The following UGT1A5 variants were observed in gnomAD, a reference collection of about 807,000 sequenced individuals.
UGT1A5 encodes the protein UDP-glucuronosyltransferase 1A5.
UGT1A5 carries 29 observed loss-of-function variants against 40.3 expected under a neutral mutation model. The ratio of observed to expected loss-of-function variants is 0.72; its 90% CI spans 0.54 to 0.98. The LOEUF (loss-of-function observed/expected upper bound fraction) is 0.98, where lower values mean the gene tolerates loss of function less well. UGT1A5 is among the 50% of genes least tolerant of loss of function. UGT1A5 has a pLI of 0.00. For synonymous variants in UGT1A5, 257 were observed against 262.5 expected (o/e 0.98, Z 0.20); for missense variants, 678 against 677.9 (o/e 1.00, Z 0.00).
chr2:233,721,810 C>A (rs559553943), intron 1 of UGT1A5: 84 of 514,692 alleles, frequency 1.6e-4, no homozygotes, highest in Non-Finnish European at 3.0e-4. Flanking sequence ...CAGCAAAAAT[C>A]CAGCACCCTA....
At chr2:233,729,100 A>G (rs2077792052) in intron 1 of UGT1A5, 1 of 1,612,718 alleles carries the variant, frequency 6.2e-7, no homozygotes, top group Non-Finnish European at 8.5e-7. Context: ...TGGGGTGGAC[A>G]GTCAGCTGTC....
At position 233,729,327 on chromosome 2, in the gene UGT1A5, G is replaced by A. The variant is rs199842881; in HGVS notation, c.867+15469G>A. On this transcript the variant is annotated intron_variant, in intron 1 of 4. Coordinates refer to ENST00000373414, the MANE Select transcript of UGT1A5 (RefSeq NM_019078.2). ...TGGTCCTCACCCCAGAGGTGAATATGCACATCAAAGAAGAGAACTTTTTCA... is the reference window on the plus strand; with the variant it reads ...TGGTCCTCACCCCAGAGGTGAATATACACATCAAAGAAGAGAACTTTTTCA... 117 of 1,614,124 alleles carry A rather than the reference G, an allele frequency of 7.2e-5. No individual in the cohort carries two copies. The highest frequency in any genetic ancestry group is 9.6e-5 in the Non-Finnish European group (113 of 1,180,042).
chr2:233,718,994 G>A lies in UGT1A5; in HGVS notation c.867+5136G>A, dbSNP rs749212538. ...AGCTCCATGCCAGAGGCCACCAGGC[G>A]GTGGTCCTCACCCCAGAGGTGAATA... On this transcript the variant is annotated intron_variant, in intron 1 of 4. Coordinates refer to ENST00000373414, the MANE Select transcript of UGT1A5 (RefSeq NM_019078.2). 2.7e-4 allele frequency: 436 copies of A among 1,613,960 alleles called. 1 individual carries two copies. The highest frequency in any genetic ancestry group is 1.8e-3 in the Admixed American group (110 of 60,006).
chr2:233,724,319 G>A (rs1167591289), intron 1 of UGT1A5, among the ~76,000 whole-genome samples: 25 of 143,274 alleles, frequency 1.7e-4, no homozygotes, highest in African/African-American at 3.9e-4. Context: ...CGGACGGGGC[G>A]GCTGGCCAGG....
intron 1 of UGT1A5, among the ~76,000 whole-genome samples, chr2:233,748,621 T>C (rs1261589705): frequency 1.3e-5 from 2 of 151,698 alleles, no homozygotes; most frequent in African/African-American, 4.9e-5. Context: ...ACGTGGGATA[T>C]ATGTCTGTGA....
chr2:233,763,825 C>A (rs564952155), intron 1 of UGT1A5, among the ~76,000 whole-genome samples: 1 of 152,266 alleles, frequency 6.6e-6, no homozygotes, highest in South Asian at 2.1e-4. Context: ...GATGTTCCTC[C>A]CCTGCCAGGG....
intron 1 of UGT1A5, chr2:233,718,733 C>T: frequency 6.2e-6 from 10 of 1,611,470 alleles, no homozygotes; most frequent in Non-Finnish European, 8.5e-6. Flanking sequence ...TGCTAGGTGG[C>T]TCAATGACAA....
chr2:233,713,122 T>A lies in UGT1A5; in HGVS notation c.131T>A (p.Met44Lys), dbSNP rs2076280431. Residue 44 changes from methionine (M) to lysine (K), a missense_variant, in exon 1 of 5, where the codon ATG (methionine) becomes AAG (lysine). Physicochemically the swap from Met to Lys is moderately conservative, Grantham distance 95. Transcript: ENST00000373414. ...VPTDGSHWLS[M>K]REALRDLHAR... ...ACTGATGGCAGCCACTGGCTCAGCATGCGGGAGGCCTTGCGGGACCTCCAT... is the reference window on the plus strand; with the variant it reads ...ACTGATGGCAGCCACTGGCTCAGCAAGCGGGAGGCCTTGCGGGACCTCCAT... 1 of 1,614,100 alleles carries A rather than the reference T, an allele frequency of 6.2e-7. No individual in the cohort carries two copies. Among genetic ancestry groups the A allele is most frequent in the South Asian group, 1.1e-5 (1 of 91,088 alleles).
At position 233,747,349 on chromosome 2, in the gene UGT1A5, A is replaced by C. The variant is rs546536456; in HGVS notation, c.868-19685A>C. ...TGGCAGCCACTGGCTCGCATGCGGG[A>C]GGCCGTGCGGGAGCTCCATGCCAGA... On this transcript the variant is annotated intron_variant, in intron 1 of 4. Transcript: ENST00000373414. The C allele has an allele frequency of 4.2e-5, 68 of 1,603,008 alleles. 1 individual carries two copies. The South Asian group carries it at 6.8e-4, about 16-fold the overall frequency.
Position 233,713,325 on chromosome 2 carries a change from A to G in UGT1A5, c.334A>G (p.Arg112Gly), listed in dbSNP as rs1186303937. The G allele has an allele frequency of 4.3e-6, 7 of 1,614,262 alleles. No individual in the cohort carries two copies. The Middle Eastern group carries it at 6.6e-4, about 152-fold the overall frequency. The change falls in exon 1 of 5, where the codon AGA (arginine) becomes GGA (glycine). Residue 112 changes from arginine (R) to glycine (G), a missense_variant. By Grantham distance (125) the Arg-to-Gly change is moderately radical. Coordinates refer to ENST00000373414, the MANE Select transcript of UGT1A5 (RefSeq NM_019078.2). ...AGAACATCTTCTGATGAAATTTTCT[A>G]GAAGAATGGCAATTATGAACAATAT... The part of the protein sequence containing the change: ...ETEHLLMKFS[R>G]RMAIMNNMSL...
intron 1 of UGT1A5, among the ~76,000 whole-genome samples, chr2:233,737,707 C>T (rs1200487929): frequency 6.6e-6 from 1 of 152,126 alleles, no homozygotes; most frequent in Non-Finnish European, 1.5e-5. Flanking sequence ...TTCCGTTCTC[C>T]TCTCCAACAC....
chr2:233,760,446 G>A lies in UGT1A5; in HGVS notation c.868-6588G>A, dbSNP rs149071335. 6.1e-5 allele frequency: 98 copies of A among 1,614,210 alleles called. No homozygotes were observed. The African/African-American group carries it at 1.2e-3, about 20-fold the overall frequency. On this transcript the variant is annotated intron_variant, in intron 1 of 4. Coordinates refer to ENST00000373414, the MANE Select transcript of UGT1A5 (RefSeq NM_019078.2). ...GGGCCATCCAGCAGCTGCAGCAGAGGGGACATGAAATAGTTGTCCTAGCAC... is the reference window on the plus strand; with the variant it reads ...GGGCCATCCAGCAGCTGCAGCAGAGAGGACATGAAATAGTTGTCCTAGCAC...
chr2:233,743,017 T>C (rs1054805), intron 1 of UGT1A5: 1 of 239,620 alleles, frequency 4.2e-6, no homozygotes, highest in Non-Finnish European at 8.3e-6. Flanking sequence ...TTACAACGAT[T>C]GAAAGACAAA....
At chr2:233,772,179 CT>C in intron 4 of UGT1A5, 82 bp from the exon 5 acceptor site, 1 of 1,585,310 alleles carries the variant, frequency 6.3e-7, no homozygotes, top group Non-Finnish European at 8.6e-7. Flanking sequence ...ATCTGGTAGT[CT>C]TCTTAAGCAG....
intron 1 of UGT1A5, chr2:233,755,333 G>C (rs878855763): frequency 6.6e-6 from 3 of 455,150 alleles, no homozygotes; most frequent in South Asian, 1.9e-5. Context: ...CAGCACCCGC[G>C]CACAGGTCAG....
rs548170918 is a variant in UGT1A5, at chr2:233,735,411, T to G, written c.867+21553T>G. ...TTTTGAGCCTATGTGTGTCTCTGCA[T>G]GTGAGATAGGCCTCCTGAATACAGC... On this transcript the variant is annotated intron_variant, in intron 1 of 4. Coordinates refer to ENST00000373414, the MANE Select transcript of UGT1A5 (RefSeq NM_019078.2). 2.6e-5 allele frequency among the ~76,000 whole-genome samples: 4 copies of G among 152,294 alleles called. 1 individual carries two copies. In the Middle Eastern group the frequency reaches 0.014, roughly 518 times the overall value.
At chr2:233,761,066 T>G in intron 1 of UGT1A5, 1 of 1,614,188 alleles carries the variant, frequency 6.2e-7, no homozygotes, top group Non-Finnish European at 8.5e-7. Context: ...AGAAGTGACT[T>G]TGTGAAGGAT....
intron 1 of UGT1A5, among the ~76,000 whole-genome samples, chr2:233,724,108 C>G (rs1455095780): frequency 1.8e-5 from 1 of 55,862 alleles, no homozygotes. Flanking sequence ...TAGGGGCGGC[C>G]GGGCAGAGGC....
intron 1 of UGT1A5, among the ~76,000 whole-genome samples, chr2:233,744,558 A>G (rs1559389162): frequency 6.6e-6 from 1 of 151,960 alleles, no homozygotes; most frequent in Non-Finnish European, 1.5e-5. Flanking sequence ...GACAAAATGT[A>G]GTGAGAAGAG....
Sources: gnomAD v4.1 joint callset for allele counts (sites outside exome capture counted in the v4.1 genomes callset) on GRCh38, gnomAD v4.1.1 for gene constraint, MANE v1.5 for transcripts, NCBI Gene and HGNC (gene_info 2026-07-23, HGNC 2026-07-21) for gene names.